The following DYNC1I1 variants were observed in gnomAD, a reference collection of about 807,000 sequenced individuals.
DYNC1I1 encodes cytoplasmic dynein 1 intermediate chain 1.
Under a neutral mutation model 86.6 loss-of-function variants are expected in DYNC1I1, and 43 were observed. That is an observed-to-expected ratio of 0.50 (90% CI 0.39 to 0.64). The LOEUF is 0.64. DYNC1I1 is among the 30% of genes least tolerant of loss of function. The pLI is 0.00. For synonymous variants in DYNC1I1, 262 were observed against 283.7 expected, an observed-to-expected ratio of 0.92 and a Z score of 0.77; for missense variants, 604 against 788.8, an observed-to-expected ratio of 0.77 and a Z score of 2.81.
chr7:96,032,518 A>C, intron 11 of DYNC1I1, 149 bp from the exon 12 acceptor site: 1 of 607,006 alleles, frequency 1.6e-6, no homozygotes, highest in East Asian at 2.9e-5. Context: ...AATCAGGTTC[A>C]AATCAAAAGC....
intron 5 of DYNC1I1, among the ~76,000 whole-genome samples, chr7:95,845,455 A>C (rs1476723717): frequency 6.6e-6 from 1 of 152,204 alleles, no homozygotes; most frequent in African/African-American, 2.4e-5. Context: ...AAAGACCTTC[A>C]TTTGGCTTAT....
chr7:95,967,684 G>A (rs1793051251), intron 6 of DYNC1I1, among the ~76,000 whole-genome samples: 1 of 152,204 alleles, frequency 6.6e-6, no homozygotes, highest in Admixed American at 6.5e-5. Flanking sequence ...CTGCTAGAAT[G>A]CCAGCTCCAT....
At chr7:96,106,018 TA>T (rs890993939) in intron 16 of DYNC1I1, among the ~76,000 whole-genome samples, 4 of 152,306 alleles carry the variant, frequency 2.6e-5, no homozygotes, top group African/African-American at 9.6e-5. Context: ...CTGATGTTGC[TA>T]AATTATGTTT....
chr7:96,102,294 TC>T (rs200129699), downstream of DYNC1I1, among the ~76,000 whole-genome samples: 2,206 of 152,284 alleles, frequency 0.014, 55 homozygotes, highest in African/African-American at 0.05. Context: ...GTTACACTGA[TC>T]CATTACATCA....
At chr7:95,818,482 T>C in intron 4 of DYNC1I1, 1 of 663,238 alleles carries the variant, frequency 1.5e-6, no homozygotes, top group Non-Finnish European at 2.7e-6. Flanking sequence ...AATTTTTTTT[T>C]TTTTTTTTTT....
intron 4 of DYNC1I1, among the ~76,000 whole-genome samples, chr7:95,824,083 C>T (rs1253315867): frequency 3.3e-5 from 5 of 149,324 alleles, no homozygotes. Context: ...CTCCACTTCC[C>T]AGGCTCAAGC....
chr7:95,838,813 C>G (rs1372761188), intron 5 of DYNC1I1, among the ~76,000 whole-genome samples: 2 of 151,646 alleles, frequency 1.3e-5, no homozygotes, highest in Non-Finnish European at 2.9e-5. Flanking sequence ...TTCTTGATTT[C>G]TTTTTCAGAT....
chr7:96,100,678 G>GTGTGTGTGTGTGTGTGTGTGTA (rs1427707672), downstream of DYNC1I1, among the ~76,000 whole-genome samples: 1 of 151,608 alleles, frequency 6.6e-6, no homozygotes, highest in African/African-American at 2.4e-5. Context: ...GTGTGTGTGT[G>GTGTGTGTGTGTGTGTGTGTGTA]TGTGGTAAGG....
At chr7:96,058,645 G>T (rs992460573) in intron 14 of DYNC1I1, among the ~76,000 whole-genome samples, 2 of 151,882 alleles carry the variant, frequency 1.3e-5, no homozygotes, top group Non-Finnish European at 2.9e-5. Flanking sequence ...AGTTAATTAT[G>T]TTTTTTTGAG....
chr7:96,086,086 T>C (rs1205206480), intron 16 of DYNC1I1, among the ~76,000 whole-genome samples: 1 of 152,220 alleles, frequency 6.6e-6, no homozygotes, highest in Non-Finnish European at 1.5e-5. Flanking sequence ...TATTCACGTG[T>C]CCTGATGATT....
At chr7:95,897,251 C>T (rs927442875) in intron 6 of DYNC1I1, among the ~76,000 whole-genome samples, 1 of 152,090 alleles carries the variant, frequency 6.6e-6, no homozygotes, top group African/African-American at 2.4e-5. Flanking sequence ...TCCTGAGCCC[C>T]CTTTGAACTT....
intron 6 of DYNC1I1, among the ~76,000 whole-genome samples, chr7:95,967,640 C>T (rs1410899554): frequency 2.6e-5 from 4 of 152,316 alleles, no homozygotes; most frequent in Middle Eastern, 3.4e-3. Flanking sequence ...CTGCCATATA[C>T]TTCAACTGTT....
At chr7:96,107,597 TCTC>T (rs1419395766) in intron 16 of DYNC1I1, among the ~76,000 whole-genome samples, 1 of 151,118 alleles carries the variant, frequency 6.6e-6, no homozygotes, top group Admixed American at 6.6e-5. Flanking sequence ...AGTGGTACAA[TCTC>T]AGCTCACTGT....
chr7:95,818,831 C>T, intron 4 of DYNC1I1: 2 of 281,138 alleles, frequency 7.1e-6, no homozygotes, highest in Non-Finnish European at 6.5e-6. Context: ...TGACATCTTA[C>T]TGTGAAAACT....
At chr7:95,796,737 T>C (rs1300119354) in intron 1 of DYNC1I1, among the ~76,000 whole-genome samples, 1 of 152,068 alleles carries the variant, frequency 6.6e-6, no homozygotes, top group Non-Finnish European at 1.5e-5. Flanking sequence ...TCTGTAGGCT[T>C]TAGAATCAAC....
chr7:95,956,540 C>G (rs796655914), intron 6 of DYNC1I1, among the ~76,000 whole-genome samples: 1 of 152,016 alleles, frequency 6.6e-6, no homozygotes, highest in African/African-American at 2.4e-5. Flanking sequence ...TCTTGCCCCC[C>G]ACCCCCGACA....
chr7:96,004,295 T>G (rs1794087731), intron 10 of DYNC1I1, among the ~76,000 whole-genome samples: 1 of 152,204 alleles, frequency 6.6e-6, no homozygotes, highest in South Asian at 2.1e-4. Context: ...TCTTCGTTAA[T>G]TTTTAACTCT....
At chr7:95,982,730 A>G (rs1190933736) in intron 7 of DYNC1I1, among the ~76,000 whole-genome samples, 1 of 152,150 alleles carries the variant, frequency 6.6e-6, no homozygotes, top group African/African-American at 2.4e-5. Context: ...TTTGAATAAG[A>G]CATTCTTCTT....
At chr7:96,011,693 G>A (rs934989078) in intron 10 of DYNC1I1, among the ~76,000 whole-genome samples, 16 of 152,170 alleles carry the variant, frequency 1.1e-4, no homozygotes, top group African/African-American at 3.9e-4. Context: ...AAATTTCGAA[G>A]TGGTGGTGTG....
Sources: gnomAD v4.1 joint callset for allele counts (sites outside exome capture counted in the v4.1 genomes callset) on GRCh38, gnomAD v4.1.1 for gene constraint, MANE v1.5 for transcripts, NCBI Gene and HGNC (gene_info 2026-07-23, HGNC 2026-07-21) for gene names.